LRRN2: variants seen among roughly 807,000 people sequenced by gnomAD.
LRRN2 encodes the protein leucine rich repeat neuronal 2.
Under a neutral mutation model 35.7 loss-of-function variants are expected in LRRN2, and 10 were observed. That is an observed-to-expected ratio of 0.28 (90% CI 0.17 to 0.47). The LOEUF is 0.47. LRRN2 is among the 20% of genes least tolerant of loss of function. LRRN2 has a pLI of 0.99. For missense variants in LRRN2, 731 were observed against 940.3 expected, an observed-to-expected ratio of 0.78 and a Z score of 2.91; for synonymous variants, 391 against 409.6, an observed-to-expected ratio of 0.95 and a Z score of 0.55.
At chr1:204,671,883 G>A (rs1358902318) in intron 1 of LRRN2, among the ~76,000 whole-genome samples, 3 of 152,178 alleles carry the variant, frequency 2.0e-5, no homozygotes, top group Admixed American at 2.0e-4. Context: ...GATACAGAGT[G>A]TGAACTTGCA....
chr1:204,666,971 A>T, intron 1 of LRRN2, among the ~76,000 whole-genome samples: 1 of 150,978 alleles, frequency 6.6e-6, no homozygotes, highest in East Asian at 1.9e-4. Flanking sequence ...CCAAAAAAAA[A>T]AAAAAAAAAA....
intron 1 of LRRN2, among the ~76,000 whole-genome samples, chr1:204,643,757 A>G (rs557173145): frequency 2.0e-5 from 3 of 152,022 alleles, no homozygotes; most frequent in Admixed American, 6.5e-5. Context: ...ATGTCATATA[A>G]ATTCCTCCAG....
chr1:204,684,344 A>G (rs926733555), intron 1 of LRRN2, among the ~76,000 whole-genome samples: 3 of 152,022 alleles, frequency 2.0e-5, no homozygotes, highest in Non-Finnish European at 2.9e-5. Context: ...GCTCCAACAG[A>G]TGGGAGCTGC....
chr1:204,658,324 G>A (rs1571670292), intron 1 of LRRN2, among the ~76,000 whole-genome samples: 1 of 152,316 alleles, frequency 6.6e-6, no homozygotes, highest in Non-Finnish European at 1.5e-5. Flanking sequence ...GCTTAACTGA[G>A]AGGAAGGGGG....
intron 1 of LRRN2, among the ~76,000 whole-genome samples, chr1:204,631,055 C>T (rs1667678666): frequency 6.6e-6 from 1 of 151,066 alleles, no homozygotes; most frequent in Admixed American, 6.6e-5. Context: ...GCTAGAAGTG[C>T]GAGTTCCTTG....
At chr1:204,676,301 C>T (rs1029922507) in intron 1 of LRRN2, among the ~76,000 whole-genome samples, 1 of 152,180 alleles carries the variant, frequency 6.6e-6, no homozygotes, top group Admixed American at 6.5e-5. Flanking sequence ...CATGAACAGT[C>T]CCAGATTGTT....
chr1:204,620,196 G>T lies in LRRN2; in HGVS notation c.-204C>A. The T allele has an allele frequency of 2.1e-6, 3 of 1,443,168 alleles. No individual in the cohort carries two copies. The highest frequency in any genetic ancestry group is 2.7e-6 in the Non-Finnish European group (3 of 1,096,792). 89.4% of individuals were successfully genotyped at this position (1,443,168 alleles called of 1,614,324 possible). On this transcript the variant is annotated 5_prime_UTR_variant, in exon 2 of 2. Coordinates refer to ENST00000367177, the MANE Select transcript of LRRN2 (RefSeq NM_201630.2). Reference sequence around the variant, plus strand: ...CTGGGGCTGGGCCTGCTCAGTCATTGCCAGGCCCCATCAGGGGCAGCCCTG... The same window carrying T: ...CTGGGGCTGGGCCTGCTCAGTCATTTCCAGGCCCCATCAGGGGCAGCCCTG...
chr1:204,647,663 G>C (rs145509722), intron 1 of LRRN2, among the ~76,000 whole-genome samples: 1 of 152,182 alleles, frequency 6.6e-6, no homozygotes, highest in Non-Finnish European at 1.5e-5. Flanking sequence ...AAGTGAAAGA[G>C]AAGCAAAGCC....
chr1:204,640,797 T>A (rs936531033), intron 1 of LRRN2, among the ~76,000 whole-genome samples: 12 of 152,056 alleles, frequency 7.9e-5, no homozygotes, highest in African/African-American at 2.9e-4. Context: ...CCCAGATGGA[T>A]GGTCATGTGT....
intron 1 of LRRN2, among the ~76,000 whole-genome samples, chr1:204,648,961 G>A (rs1227667405): frequency 2.6e-5 from 4 of 152,202 alleles, no homozygotes; most frequent in Admixed American, 6.5e-5. Flanking sequence ...AGGCAGCTGC[G>A]TGGCGCTGGG....
intron 1 of LRRN2, among the ~76,000 whole-genome samples, chr1:204,624,286 G>C (rs1667150976): frequency 6.6e-6 from 1 of 152,224 alleles, no homozygotes; most frequent in South Asian, 2.1e-4. Flanking sequence ...TGGAACCACA[G>C]GGACAAACAG....
chr1:204,650,684 G>A (rs894853495), intron 1 of LRRN2, among the ~76,000 whole-genome samples: 5 of 152,186 alleles, frequency 3.3e-5, no homozygotes, highest in African/African-American at 7.2e-5. Context: ...GCATCCAAAA[G>A]TCCCTGTAAA....
chr1:204,632,501 C>T (rs1203715493), intron 1 of LRRN2, among the ~76,000 whole-genome samples: 1 of 151,782 alleles, frequency 6.6e-6, no homozygotes, highest in Non-Finnish European at 1.5e-5. Flanking sequence ...TGGTGGCATG[C>T]ACCTGTAATC....
intron 1 of LRRN2, among the ~76,000 whole-genome samples, chr1:204,659,967 A>T (rs1668436865): frequency 6.6e-6 from 1 of 152,158 alleles, no homozygotes; most frequent in Non-Finnish European, 1.5e-5. Context: ...TCATCCAGAT[A>T]TTTTGTTTAT....
intron 1 of LRRN2, among the ~76,000 whole-genome samples, chr1:204,671,772 G>A (rs1668719584): frequency 6.6e-6 from 1 of 152,018 alleles, no homozygotes; most frequent in Admixed American, 6.6e-5. Flanking sequence ...ATAAGTGGTG[G>A]TGTGGGAGTC....
chr1:204,670,290 C>T (rs1571681016), intron 1 of LRRN2, among the ~76,000 whole-genome samples: 2 of 152,012 alleles, frequency 1.3e-5, no homozygotes, highest in Non-Finnish European at 2.9e-5. Flanking sequence ...CAGTTGATGG[C>T]GTGCAGAACT....
chr1:204,650,820 G>A (rs1238528203), intron 1 of LRRN2, among the ~76,000 whole-genome samples: 1 of 152,116 alleles, frequency 6.6e-6, no homozygotes, highest in African/African-American at 2.4e-5. Context: ...TACTTGGGGG[G>A]ATAGATGGAC....
intron 1 of LRRN2, among the ~76,000 whole-genome samples, chr1:204,671,639 T>G (rs1248591232): frequency 4.2e-5 from 3 of 71,468 alleles, no homozygotes; most frequent in African/African-American, 1.1e-4. Context: ...AGGTAATTGA[T>G]GGTAAAAAAA....
intron 1 of LRRN2, among the ~76,000 whole-genome samples, chr1:204,630,791 C>CA (rs1256072564): frequency 6.6e-6 from 1 of 152,076 alleles, no homozygotes; most frequent in Non-Finnish European, 1.5e-5. Flanking sequence ...GGCCGGTGGA[C>CA]AGTGTTTCTC....
Sources: allele counts gnomAD v4.1 joint callset (sites outside exome capture counted in the v4.1 genomes callset), GRCh38; gene constraint gnomAD v4.1.1; transcripts MANE v1.5; gene names NCBI Gene and HGNC (gene_info 2026-07-23, HGNC 2026-07-21).